RBFOX1: variants seen among roughly 807,000 people sequenced by gnomAD.
RBFOX1 encodes the protein RNA binding protein fox-1 homolog 1.
RBFOX1 carries 8 observed loss-of-function variants against 57.7 expected under a neutral mutation model. The observed-to-expected ratio is 0.14, with a 90% CI of 0.08 to 0.25. The LOEUF (loss-of-function observed/expected upper bound fraction) is 0.25. RBFOX1 is among the 10% of genes least tolerant of loss of function. RBFOX1 has a pLI of 1.00. For missense variants in RBFOX1, 611 were observed against 548.5 expected (o/e 1.11, Z -1.14); for synonymous variants, 326 against 222.4 (o/e 1.47, Z -4.15).
At chr16:7,110,175 C>A (rs1430234908) in intron 4 of RBFOX1, among the ~76,000 whole-genome samples, 3 of 128,798 alleles carry the variant, frequency 2.3e-5, no homozygotes, top group East Asian at 2.4e-4. Flanking sequence ...CATAGCGAGA[C>A]CCCCCGTGTC....
rs117316202 is a variant in RBFOX1, at chr16:5,986,205, A to G, written c.351+118870A>G. ...CAGCCTCCCAGGTAGCTGGGTTTACAGGCATGCACCACCCCAGCTGGCTAA... is the reference window on the plus strand; with the variant it reads ...CAGCCTCCCAGGTAGCTGGGTTTACGGGCATGCACCACCCCAGCTGGCTAA... On this transcript the variant is annotated intron_variant, in intron 4 of 19. Transcript: ENST00000641259. Among the ~76,000 whole-genome samples the G allele has an allele frequency of 5.7e-3, 866 of 152,142 alleles. 30 individuals are homozygous for G. Among genetic ancestry groups the G allele is most frequent in the Admixed American group, 0.044 (671 of 15,286 alleles).
At chr16:7,487,262 C>T (rs1292983152) in intron 4 of RBFOX1, among the ~76,000 whole-genome samples, 1 of 152,202 alleles carries the variant, frequency 6.6e-6, no homozygotes, top group South Asian at 2.1e-4. Flanking sequence ...AAGACATCCA[C>T]ATGGTATACT....
At chr16:6,560,802 G>A (rs1599862335) in intron 2 of RBFOX1, among the ~76,000 whole-genome samples, 1 of 152,178 alleles carries the variant, frequency 6.6e-6, no homozygotes, top group African/African-American at 2.4e-5. Context: ...TAAGAGGGCT[G>A]GAGTACTGTC....
chr16:6,055,066 C>A (rs558443292), intron 1 of RBFOX1, among the ~76,000 whole-genome samples: 1 of 152,142 alleles, frequency 6.6e-6, no homozygotes, highest in East Asian at 1.9e-4. Context: ...TGAGGCTGTT[C>A]CTTTGCAGGG....
chr16:5,739,865 C>G (rs887144092), intron 3 of RBFOX1, among the ~76,000 whole-genome samples: 4 of 152,198 alleles, frequency 2.6e-5, no homozygotes, highest in African/African-American at 9.7e-5. Context: ...TCCAGTTTTT[C>G]AAGCTTAAGC....
chr16:7,241,700 G>A (rs1194344181), intron 4 of RBFOX1, among the ~76,000 whole-genome samples: 2 of 152,054 alleles, frequency 1.3e-5, no homozygotes, highest in African/African-American at 2.4e-5. Flanking sequence ...GATGACAAAT[G>A]TGATACAAAT....
At chr16:7,480,751 G>T (rs1431672583) in intron 4 of RBFOX1, among the ~76,000 whole-genome samples, 2 of 152,192 alleles carry the variant, frequency 1.3e-5, no homozygotes, top group African/African-American at 4.8e-5. Context: ...ACTGCAAGGG[G>T]ATGTGGGAAG....
chr16:6,257,309 T>C (rs1391310154), intron 1 of RBFOX1, among the ~76,000 whole-genome samples: 1 of 152,088 alleles, frequency 6.6e-6, no homozygotes, highest in Non-Finnish European at 1.5e-5. Flanking sequence ...AAATGGCCCC[T>C]CAGCCAAAGG....
intron 3 of RBFOX1, among the ~76,000 whole-genome samples, chr16:6,952,898 C>A (rs1012592382): frequency 1.3e-5 from 2 of 151,978 alleles, no homozygotes; most frequent in East Asian, 3.9e-4. Context: ...GGGCTTGAAC[C>A]CAGGTGGTGG....
At position 7,155,713 on chromosome 16, in the gene RBFOX1, ATATAT is replaced by A. The variant is rs148564403; in HGVS notation, c.27+103616_27+103620del. Among the ~76,000 whole-genome samples the A allele has an allele frequency of 1.4e-3, 101 of 73,428 alleles. 3 individuals are homozygous for A. The highest frequency in any genetic ancestry group is 0.012 in the East Asian group (27 of 2,196). The allele number at this position is 73,428 out of a possible 152,430, so 48.2% of individuals were successfully genotyped here. A position where few individuals can be genotyped will look rare whatever the true frequency, so the allele number is the denominator to read the frequency against. On this transcript the variant is annotated intron_variant, in intron 4 of 15. Transcript: ENST00000550418. ...CTCCTCCCACCAAAAAAAAAAAAAA[ATATAT>A]ATATATATATATATATATATACACA...
chr16:6,760,620 A>T (rs1043569009), intron 3 of RBFOX1, among the ~76,000 whole-genome samples: 5 of 152,286 alleles, frequency 3.3e-5, no homozygotes, highest in East Asian at 1.9e-4. Flanking sequence ...GAAGTACTAG[A>T]CTGAATTGGG....
At chr16:6,379,504 A>C (rs903212387) in intron 2 of RBFOX1, among the ~76,000 whole-genome samples, 10 of 152,152 alleles carry the variant, frequency 6.6e-5, no homozygotes, top group Admixed American at 5.9e-4. Flanking sequence ...ATAGGAGGGC[A>C]TAAGAACCCA....
intron 3 of RBFOX1, among the ~76,000 whole-genome samples, chr16:7,031,479 C>T: frequency 6.6e-6 from 1 of 152,050 alleles, no homozygotes; most frequent in East Asian, 1.9e-4. Context: ...GCCTGTAGTT[C>T]TGGCTACTTG....
chr16:5,776,065 C>G (rs919707815), intron 3 of RBFOX1, among the ~76,000 whole-genome samples: 4 of 152,110 alleles, frequency 2.6e-5, no homozygotes, highest in Admixed American at 2.6e-4. Flanking sequence ...AATGGCTTTC[C>G]CCTTTCATTT....
chr16:7,384,423 G>C (rs185674411), intron 4 of RBFOX1, among the ~76,000 whole-genome samples: 8 of 152,198 alleles, frequency 5.3e-5, no homozygotes, highest in African/African-American at 1.9e-4. Context: ...CTGGTATTTT[G>C]GTTCTTGAAT....
At chr16:6,144,135 A>G (rs1369168631) in intron 1 of RBFOX1, among the ~76,000 whole-genome samples, 1 of 152,118 alleles carries the variant, frequency 6.6e-6, no homozygotes, top group Admixed American at 6.6e-5. Flanking sequence ...GTTCTGAAGC[A>G]TGTATTCCTA....
intron 4 of RBFOX1, among the ~76,000 whole-genome samples, chr16:7,298,908 A>G (rs1568094535): frequency 6.6e-6 from 1 of 152,186 alleles, no homozygotes; most frequent in Non-Finnish European, 1.5e-5. Flanking sequence ...CAGGTGGCAG[A>G]GAATTTCTGC....
At chr16:5,835,672 T>G (rs574076871) in intron 3 of RBFOX1, among the ~76,000 whole-genome samples, 1 of 152,262 alleles carries the variant, frequency 6.6e-6, no homozygotes, top group Non-Finnish European at 1.5e-5. Context: ...CTTCTTAAGG[T>G]TTTATGAGGA....
At chr16:6,461,728 A>C (rs1257210736) in intron 2 of RBFOX1, among the ~76,000 whole-genome samples, 1 of 152,196 alleles carries the variant, frequency 6.6e-6, no homozygotes, top group Admixed American at 6.5e-5. Flanking sequence ...TCTGCAGATT[A>C]ATGGGATAAT....
Sources: allele counts gnomAD v4.1 joint callset (sites outside exome capture counted in the v4.1 genomes callset), GRCh38; gene constraint gnomAD v4.1.1; transcripts MANE v1.5; gene names NCBI Gene and HGNC (gene_info 2026-07-23, HGNC 2026-07-21).